LANCL2: variants seen among roughly 807,000 people sequenced by gnomAD.
The protein encoded by LANCL2 is LanC like glutathione S-transferase 2.
In LANCL2, 33 loss-of-function variants were observed where a neutral mutation model predicts 56.9. The observed-to-expected ratio is 0.58, with a 90% CI of 0.44 to 0.78. The LOEUF is 0.78. LANCL2 is among the 30% of genes least tolerant of loss of function. LANCL2 has a pLI of 0.00. For synonymous variants in LANCL2, 233 were observed against 228.2 expected, an observed-to-expected ratio of 1.02 and a Z score of -0.19; for missense variants, 562 against 580.2, an observed-to-expected ratio of 0.97 and a Z score of 0.32.
At chr7:55,388,694 G>T (rs1790152893) in intron 1 of LANCL2, among the ~76,000 whole-genome samples, 1 of 152,202 alleles carries the variant, frequency 6.6e-6, no homozygotes, top group Non-Finnish European at 1.5e-5. Context: ...GACCTACATG[G>T]TATAGGACGA....
At chr7:55,430,034 A>G (rs1790711165) in intron 8 of LANCL2, among the ~76,000 whole-genome samples, 1 of 152,196 alleles carries the variant, frequency 6.6e-6, no homozygotes, top group South Asian at 2.1e-4. Context: ...GCTGGAGTGC[A>G]CCGCCCAGTG....
At position 55,428,147 on chromosome 7, in the gene LANCL2, C is replaced by T. The variant is rs558924956; in HGVS notation, c.1186-228C>T. On this transcript the variant is annotated intron_variant, in intron 7 of 8. Coordinates refer to ENST00000254770, the MANE Select transcript of LANCL2 (RefSeq NM_018697.4). ...GCCGTTCGGTTTTCACCTCGGACTT[C>T]CCAGCAGCTGTAAGGCAGACCCCAC... 3.8e-4 allele frequency: 219 copies of T among 573,342 alleles called. 2 individuals carry two copies. The highest frequency in any genetic ancestry group is 3.0e-3 in the African/African-American group (163 of 53,636). The allele number at this position is 573,342 out of a possible 1,614,324, so 35.5% of individuals were successfully genotyped here. A position where few individuals can be genotyped will look rare whatever the true frequency, so the allele number is the denominator to read the frequency against.
rs763309984 is a variant in LANCL2 at position 55,366,128 on chromosome 7, G to T, written c.103G>T (p.Ala35Ser). 2 of 1,546,908 alleles carry T rather than the reference G, an allele frequency of 1.3e-6. No individual in the cohort carries two copies. Among genetic ancestry groups the T allele is most frequent in the Admixed American group, 1.9e-5 (1 of 51,698 alleles). The change falls in exon 1 of 9, where the codon GCC becomes TCC. Residue 35 changes from alanine to serine, a missense_variant. Ala to Ser is a moderately conservative substitution (Grantham distance 99). Around this residue, in one of 2 missense-constraint regions of LANCL2, gnomAD observed 184 missense variants for 111.8 expected, o/e 1.65. Transcript: ENST00000254770. Reference sequence around the variant, plus strand: ...CCCCTTCCCGGACTACGAGGCCGCCGCCGGGGCGCTGCTCGCCTCCGGAGC... The same window carrying T: ...CCCCTTCCCGGACTACGAGGCCGCCTCCGGGGCGCTGCTCGCCTCCGGAGC... The part of the protein sequence containing the change: ...VNPFPDYEAA[A>S]GALLASGAAE...
chr7:55,408,270 AAG>A (rs1408518423), intron 5 of LANCL2, among the ~76,000 whole-genome samples: 4 of 152,236 alleles, frequency 2.6e-5, no homozygotes, highest in African/African-American at 2.4e-5. Context: ...AAACGTAAGA[AAG>A]AGGATTAATC....
At position 55,387,540 on chromosome 7, in the gene LANCL2, GT is replaced by G. The variant is rs536930446; in HGVS notation, c.205-4239del. ...GATATATGCTTCTGAGTTTTTTTTGGTTTTTTTTTTTTTTAGAAACTTTTAT... is the reference window on the plus strand; with the variant it reads ...GATATATGCTTCTGAGTTTTTTTTGGTTTTTTTTTTTTTAGAAACTTTTAT... On this transcript the variant is annotated intron_variant, in intron 1 of 8. Coordinates refer to ENST00000254770, the MANE Select transcript of LANCL2 (RefSeq NM_018697.4). 2.2e-3 allele frequency among the ~76,000 whole-genome samples: 311 copies of G among 138,518 alleles called. 1 individual carries two copies. In the East Asian group the frequency reaches 0.024, roughly 11 times the overall value. 90.9% of individuals were successfully genotyped at this position (138,518 alleles called of 152,430 possible). A position where few individuals can be genotyped will look rare whatever the true frequency, so the allele number is the denominator to read the frequency against.
chr7:55,398,383 G>T (rs1466583766), intron 2 of LANCL2, 40 bp from the exon 3 acceptor site: 1 of 1,430,184 alleles, frequency 7.0e-7, no homozygotes, highest in Non-Finnish European at 9.9e-7. Flanking sequence ...AAAAGGAAAA[G>T]ATAATAATGC....
intron 8 of LANCL2, among the ~76,000 whole-genome samples, 185 bp downstream of exon 8, chr7:55,428,632 T>C (rs1790694493): frequency 6.6e-6 from 1 of 152,198 alleles, no homozygotes; most frequent in Non-Finnish European, 1.5e-5. Context: ...TGTTTTGTGC[T>C]CCTGTGAATG....
intron 2 of LANCL2, among the ~76,000 whole-genome samples, chr7:55,396,513 A>C (rs945586180): frequency 6.6e-6 from 1 of 152,230 alleles, no homozygotes; most frequent in Non-Finnish European, 1.5e-5. Context: ...CATCCTGGCC[A>C]ACTGAGGGCG....
intron 1 of LANCL2, among the ~76,000 whole-genome samples, chr7:55,385,179 C>T (rs1276617424): frequency 6.6e-6 from 1 of 151,850 alleles, no homozygotes; most frequent in Non-Finnish European, 1.5e-5. Context: ...AGGAGTGAAA[C>T]CCCGTCTGAA....
chr7:55,374,225 T>C (rs1457309772), intron 1 of LANCL2, among the ~76,000 whole-genome samples: 1 of 152,250 alleles, frequency 6.6e-6, no homozygotes, highest in Non-Finnish European at 1.5e-5. Context: ...GGTTATGCCA[T>C]ATATCCCCTA....
chr7:55,383,479 A>G (rs1351701465), intron 1 of LANCL2, among the ~76,000 whole-genome samples: 1 of 152,186 alleles, frequency 6.6e-6, no homozygotes, highest in East Asian at 1.9e-4. Context: ...GTGGGCCACT[A>G]TGATGTCCTG....
chr7:55,412,322 T>C (rs1354661106), intron 6 of LANCL2, among the ~76,000 whole-genome samples: 1 of 152,246 alleles, frequency 6.6e-6, no homozygotes, highest in Admixed American at 6.5e-5. Context: ...TTTATATTCA[T>C]GTGTAAAAGA....
intron 1 of LANCL2, among the ~76,000 whole-genome samples, chr7:55,385,578 G>A (rs967874628): frequency 6.6e-6 from 1 of 152,112 alleles, no homozygotes; most frequent in Non-Finnish European, 1.5e-5. Flanking sequence ...AAAAGGGGAG[G>A]GGGTATACGA....
chr7:55,379,189 G>A (rs1790037799), intron 1 of LANCL2, among the ~76,000 whole-genome samples: 1 of 152,134 alleles, frequency 6.6e-6, no homozygotes, highest in South Asian at 2.1e-4. Context: ...TATCATTTAT[G>A]AGGAATGAAG....
chr7:55,376,791 C>T (rs971935342), intron 1 of LANCL2, among the ~76,000 whole-genome samples: 1 of 152,222 alleles, frequency 6.6e-6, no homozygotes, highest in Non-Finnish European at 1.5e-5. Flanking sequence ...AGACCAGGAA[C>T]ATTTTGGGGA....
intron 1 of LANCL2, among the ~76,000 whole-genome samples, chr7:55,383,285 G>A (rs1412059750): frequency 6.6e-6 from 1 of 152,166 alleles, no homozygotes; most frequent in Non-Finnish European, 1.5e-5. Flanking sequence ...AGGGAGGGAG[G>A]CTCCAAGCAG....
intron 6 of LANCL2, among the ~76,000 whole-genome samples, chr7:55,421,712 A>G (rs1395747197): frequency 6.6e-6 from 1 of 151,970 alleles, no homozygotes; most frequent in African/African-American, 2.4e-5. Context: ...GTTGCAATAT[A>G]TATGCTTAGC....
intron 2 of LANCL2, among the ~76,000 whole-genome samples, chr7:55,395,147 T>TTA (rs1303380234): frequency 3.3e-5 from 5 of 152,194 alleles, no homozygotes. Context: ...ATTAACCATT[T>TTA]TCCCCTTCCA....
At chr7:55,427,890 A>T (rs1446646734) in intron 7 of LANCL2, among the ~76,000 whole-genome samples, 7 of 152,186 alleles carry the variant, frequency 4.6e-5, no homozygotes. Flanking sequence ...GGGAAGGTGG[A>T]GAGGCTGCCA....
Sources: allele counts gnomAD v4.1 joint callset (sites outside exome capture counted in the v4.1 genomes callset), GRCh38; gene constraint gnomAD v4.1.1; regional missense constraint gnomAD v4.1.1; transcripts MANE v1.5; gene names NCBI Gene and HGNC (gene_info 2026-07-23, HGNC 2026-07-21).